PILRA: variants seen among roughly 807,000 people sequenced by gnomAD.
PILRA encodes paired immunoglobulin-like type 2 receptor alpha.
A neutral mutation model predicts 33.1 loss-of-function variants in PILRA; 37 were observed. That is an observed-to-expected ratio of 1.12 (90% CI 0.86 to 1.47). The LOEUF (loss-of-function observed/expected upper bound fraction) is 1.47. Among genes scored for constraint, PILRA ranks in the 40% most tolerant of loss-of-function variants. The pLI, the probability that PILRA is intolerant of heterozygous loss-of-function variation, is 0.00. For missense variants in PILRA, 312 were observed against 376.2 expected (o/e 0.83, Z 1.41); for synonymous variants, 146 against 149.9 (o/e 0.97, Z 0.19).
chr7:100,385,512 C>T (rs10085549), intron 2 of PILRA, among the ~76,000 whole-genome samples: 31,022 of 152,182 alleles, frequency 0.2, 3,453 homozygotes, highest in African/African-American at 0.28. Context: ...TACAGACATA[C>T]AACACAAATG....
At chr7:100,398,168 G>C (rs1791539171) in intron 4 of PILRA, among the ~76,000 whole-genome samples, 1 of 152,136 alleles carries the variant, frequency 6.6e-6, no homozygotes. Context: ...CTCTTTTCTG[G>C]AGTGCCCATC....
At chr7:100,397,935 G>T in intron 4 of PILRA, 23 bp downstream of exon 4, 1 of 1,613,102 alleles carries the variant, frequency 6.2e-7, no homozygotes, top group Non-Finnish European at 8.5e-7. Context: ...CCTCCCCAGG[G>T]TGGGTTGGGG....
At chr7:100,376,681 C>A in intron 2 of PILRA, among the ~76,000 whole-genome samples, 1 of 150,198 alleles carries the variant, frequency 6.7e-6, no homozygotes, top group Middle Eastern at 3.2e-3. Context: ...AGGCTGCTCT[C>A]GAACTCCTGA....
chr7:100,394,198 C>T (rs1473168224), intron 3 of PILRA, among the ~76,000 whole-genome samples: 4 of 152,098 alleles, frequency 2.6e-5, no homozygotes, highest in African/African-American at 7.2e-5. Flanking sequence ...GCAGAGGGGT[C>T]AGCAGGGAGT....
At chr7:100,388,646 T>C (rs961046898) in intron 2 of PILRA, among the ~76,000 whole-genome samples, 2 of 147,776 alleles carry the variant, frequency 1.4e-5, no homozygotes, top group Non-Finnish European at 3.0e-5. Context: ...CTCGGGAGGC[T>C]GAGGTAGGAG....
At chr7:100,390,889 G>A (rs1791376101) in intron 3 of PILRA, among the ~76,000 whole-genome samples, 1 of 152,006 alleles carries the variant, frequency 6.6e-6, no homozygotes, top group African/African-American at 2.4e-5. Context: ...AGTAAAGGGT[G>A]ACCTCAGCTA....
chr7:100,375,584 T>C (rs1790924995), intron 2 of PILRA, among the ~76,000 whole-genome samples: 1 of 152,158 alleles, frequency 6.6e-6, no homozygotes. Flanking sequence ...ATACAAAAAT[T>C]AGCCAGGTGT....
upstream of PILRA, among the ~76,000 whole-genome samples, chr7:100,371,845 A>G (rs1291856525): frequency 1.3e-5 from 2 of 152,208 alleles, no homozygotes; most frequent in African/African-American, 4.8e-5. Context: ...AAATCCTGAC[A>G]CAGAAGGAAT....
At chr7:100,381,777 G>GC (rs962679332) in intron 2 of PILRA, among the ~76,000 whole-genome samples, 2 of 152,238 alleles carry the variant, frequency 1.3e-5, no homozygotes, top group African/African-American at 4.8e-5. Context: ...TTGCGGGCCA[G>GC]CTAGAGTTCT....
chr7:100,398,929 C>G (rs1373433135), intron 4 of PILRA, among the ~76,000 whole-genome samples: 2 of 150,296 alleles, frequency 1.3e-5, no homozygotes, highest in African/African-American at 4.9e-5. Context: ...TGTCATAACT[C>G]TTTCTTCAAT....
intron 2 of PILRA, among the ~76,000 whole-genome samples, chr7:100,379,558 C>G (rs1791036638): frequency 1.3e-5 from 2 of 151,084 alleles, no homozygotes; most frequent in South Asian, 4.2e-4. Context: ...GTCCCAGCTA[C>G]TCAGGAGGCT....
In PILRA at chr7:100,390,251, G is replaced by A. The variant is rs1791360793; in HGVS notation, c.673+145G>A. The A allele has an allele frequency of 8.7e-6, 6 of 687,464 alleles. No individual in the cohort carries two copies. The East Asian group carries it at 1.1e-4, about 12-fold the overall frequency. The allele number at this position is 687,464 out of a possible 1,614,324, so 42.6% of individuals were successfully genotyped here. On this transcript the variant is annotated intron_variant, in intron 3 of 6. Coordinates refer to ENST00000198536, the MANE Select transcript of PILRA (RefSeq NM_013439.3). Reference sequence around the variant, plus strand: ...AGGCCGACTTCGTGGCCTATGCTGAGGTGTCTGCATTTGTGAGGCTCCTGC... The same window carrying A: ...AGGCCGACTTCGTGGCCTATGCTGAAGTGTCTGCATTTGTGAGGCTCCTGC...
chr7:100,389,427 CA>C (rs1791326526), intron 2 of PILRA, among the ~76,000 whole-genome samples: 1 of 152,102 alleles, frequency 6.6e-6, no homozygotes, highest in South Asian at 2.1e-4. Context: ...GTATTGGCAA[CA>C]ATAGACTTTT....
chr7:100,397,772 CTCCGG>C, intron 3 of PILRA, 102 bp from the exon 4 acceptor site: 1 of 1,197,258 alleles, frequency 8.4e-7, no homozygotes, highest in South Asian at 1.2e-5. Flanking sequence ...AGCTCTGCTG[CTCCGG>C]TCCCTCTAAG....
rs555675553 is a variant in PILRA at position 100,382,863 on chromosome 7, G to C, written c.455-7025G>C. Among the ~76,000 whole-genome samples, 11 of 152,250 alleles carry C rather than the reference G, an allele frequency of 7.2e-5. No individual in the cohort carries two copies. The East Asian group carries it at 2.1e-3, about 29-fold the overall frequency. The stretch of plus-strand genomic sequence containing the variant: ...GAACCCATAAAAAGGAAGAAACTCT[G>C]AACACATCCAAACATCAGAAGGAAC... On this transcript the variant is annotated intron_variant, in intron 2 of 6. Transcript: ENST00000198536.
At chr7:100,385,911 G>A (rs1355025751) in intron 2 of PILRA, among the ~76,000 whole-genome samples, 2 of 150,218 alleles carry the variant, frequency 1.3e-5, no homozygotes, top group South Asian at 2.1e-4. Context: ...TTACAGGCGT[G>A]AGCCACCACA....
chr7:100,396,806 A>G (rs1303691660), intron 3 of PILRA, among the ~76,000 whole-genome samples: 1 of 152,188 alleles, frequency 6.6e-6, no homozygotes, highest in African/African-American at 2.4e-5. Context: ...TAATAGGAAC[A>G]GAAAGTAGAA....
chr7:100,387,223 T>A (rs1465145639), intron 2 of PILRA, among the ~76,000 whole-genome samples: 3 of 152,194 alleles, frequency 2.0e-5, no homozygotes, highest in Admixed American at 6.5e-5. Context: ...ATATACTACT[T>A]CTTCGTTTGA....
chr7:100,398,584 C>T (rs1293422978), intron 4 of PILRA, among the ~76,000 whole-genome samples: 1 of 152,190 alleles, frequency 6.6e-6, no homozygotes, highest in Non-Finnish European at 1.5e-5. Context: ...CCCAACCCTT[C>T]TCTATCCATT....
Sources: allele counts gnomAD v4.1 joint callset (sites outside exome capture counted in the v4.1 genomes callset), GRCh38; gene constraint gnomAD v4.1.1; transcripts MANE v1.5; gene names NCBI Gene and HGNC (gene_info 2026-07-23, HGNC 2026-07-21).